COL9A1: variants seen among roughly 807,000 people sequenced by gnomAD.
COL9A1 encodes collagen type IX alpha 1 chain.
In COL9A1, 104 loss-of-function variants were observed where a neutral mutation model predicts 142.6. The ratio of observed to expected loss-of-function variants is 0.73; its 90% CI spans 0.62 to 0.86. The LOEUF (loss-of-function observed/expected upper bound fraction) is 0.86. COL9A1 is among the 40% of genes least tolerant of loss of function. COL9A1 has a pLI of 0.00. For synonymous variants in COL9A1, 466 were observed against 396.0 expected, an observed-to-expected ratio of 1.18 and a Z score of -2.10; for missense variants, 1,210 against 1,176.6, an observed-to-expected ratio of 1.03 and a Z score of -0.42.
In COL9A1 at chr6:70,290,551, G is replaced by A. The variant is rs182302288; in HGVS notation, c.696+3616C>T. On this transcript the variant is annotated intron_variant, in intron 5 of 37. Coordinates refer to ENST00000357250, the MANE Select transcript of COL9A1 (RefSeq NM_001851.6). ...AGCCTATGAAAACCCTTTGAAATTG[G>A]CTTCCTTTTTCAACTTAGAAAAGGA... is the stretch of plus-strand genomic sequence containing the variant. 2.0e-5 allele frequency among the ~76,000 whole-genome samples: 3 copies of A among 152,212 alleles called. No homozygotes were observed. In the East Asian group the frequency reaches 5.8e-4, roughly 29 times the overall value.
At position 70,232,596 on chromosome 6, in the gene COL9A1, C is replaced by T; in HGVS notation, c.2490G>A (p.Leu830=). 6.2e-7 allele frequency: 1 copy of T among 1,613,982 alleles called. No homozygotes were observed. The highest frequency in any genetic ancestry group is 8.5e-7 in the Non-Finnish European group (1 of 1,180,020). Residue 830 remains leucine, a synonymous_variant, in exon 36 of 38, where the codon TTG becomes TTA. Transcript: ENST00000357250. ...AAGATGACTTACCTTTAGGTCCCCT[C>T]AAACCAAGAGCACCAGGGGGCCCCT... ...GIKGPPGALG[L]RGPKGDLGEK... is the part of the protein sequence containing the mutation.
chr6:70,223,709 AC>A (rs1470951075), intron 37 of COL9A1, among the ~76,000 whole-genome samples: 1 of 152,224 alleles, frequency 6.6e-6, no homozygotes, highest in African/African-American at 2.4e-5. Flanking sequence ...CCACCAGCAG[AC>A]CCCTCTTCTC....
At chr6:70,255,925 G>C (rs1261814730) in intron 21 of COL9A1, among the ~76,000 whole-genome samples, 1 of 152,088 alleles carries the variant, frequency 6.6e-6, no homozygotes, top group Non-Finnish European at 1.5e-5. Flanking sequence ...ACCTCAAATG[G>C]CTCCCTATTG....
intron 25 of COL9A1, 59 bp from the exon 26 acceptor site, chr6:70,253,488 C>A: frequency 8.3e-7 from 1 of 1,201,840 alleles, no homozygotes; most frequent in Non-Finnish European, 1.2e-6. Context: ...CCATGAGATG[C>A]CAAGCCCACT....
intron 5 of COL9A1, among the ~76,000 whole-genome samples, chr6:70,290,065 C>T (rs1773599031): frequency 6.6e-6 from 1 of 152,020 alleles, no homozygotes; most frequent in Admixed American, 6.6e-5. Flanking sequence ...AATCACGTTC[C>T]ATGTTGGCTT....
At chr6:70,253,599 T>A (rs1240996477) in intron 25 of COL9A1, among the ~76,000 whole-genome samples, 170 bp from the exon 26 acceptor site, 1 of 152,232 alleles carries the variant, frequency 6.6e-6, no homozygotes, top group African/African-American at 2.4e-5. Context: ...TTTATAGAAT[T>A]ACCCACAGTT....
At chr6:70,283,543 T>C (rs1418627816) in intron 6 of COL9A1, among the ~76,000 whole-genome samples, 194 bp downstream of exon 6, 1 of 152,110 alleles carries the variant, frequency 6.6e-6, no homozygotes, top group African/African-American at 2.4e-5. Flanking sequence ...CTGCAGGTGG[T>C]TTCTACCCGC....
At chr6:70,215,140 C>T (rs1286820962), downstream of COL9A1, 1 of 151,782 alleles carries the variant, frequency 6.6e-6, no homozygotes, top group Non-Finnish European at 1.5e-5. Context: ...TTTTAGGGAG[C>T]TATAACAGAG....
At chr6:70,286,328 T>C (rs1773449722) in intron 5 of COL9A1, among the ~76,000 whole-genome samples, 1 of 152,194 alleles carries the variant, frequency 6.6e-6, no homozygotes, top group South Asian at 2.1e-4. Flanking sequence ...GATTTCTACT[T>C]ATTTTGCCAG....
chr6:70,242,019 G>T lies in COL9A1; in HGVS notation c.1943C>A (p.Pro648His). Reference protein sequence around the residue: ...LPGKLGSLGSPGLPGLPGPPG... With the variant: ...LPGKLGSLGSHGLPGLPGPPG... ...GGGCCCAGGCAAGCCAGGGAGGCCA[G>T]GGCTACCCAGAGAACCCTGGAAAGC... is the stretch of plus-strand genomic sequence containing the variant. Residue 648 changes from proline (P) to histidine (H), a missense_variant, in exon 30 of 38, where the codon CCT becomes CAT. Transcript: ENST00000357250. The T allele has an allele frequency of 6.3e-7, 1 of 1,596,830 alleles. No individual in the cohort carries two copies. The highest frequency in any genetic ancestry group is 2.3e-5 in the East Asian group (1 of 44,174).
Position 70,255,341 on chromosome 6 carries a change from T to C in COL9A1, c.1553A>G (p.Asp518Gly). ...AGTGACTGAATTTAAACTCACTCTA[T>C]CTCCTTTGGGACCTGCTTCTCCTGG... ...GPPGEAGPKG[D>G]RGAEGARGIP... is the part of the protein sequence containing the mutation. The change falls in exon 22 of 38, where the codon GAT becomes GGT. Residue 518 changes from aspartate (D) to glycine (G), a missense_variant. Physicochemically the swap from Asp to Gly is moderately conservative, Grantham distance 94. Transcript: ENST00000357250. The C allele has an allele frequency of 1.2e-6, 2 of 1,614,174 alleles. No homozygotes were observed. The highest frequency in any genetic ancestry group is 1.7e-6 in the Non-Finnish European group (2 of 1,179,980).
intron 26 of COL9A1, among the ~76,000 whole-genome samples, chr6:70,252,978 G>A (rs1413103691): frequency 6.6e-6 from 1 of 151,198 alleles, no homozygotes; most frequent in African/African-American, 2.4e-5. Flanking sequence ...TTACATTTTT[G>A]TTTTATGTAG....
intron 20 of COL9A1, among the ~76,000 whole-genome samples, chr6:70,259,977 T>C (rs1771569718): frequency 6.6e-6 from 1 of 151,986 alleles, no homozygotes; most frequent in Admixed American, 6.6e-5. Flanking sequence ...TTTGGGGATG[T>C]CCTGCCTTGG....
intron 26 of COL9A1, chr6:70,253,184 T>A (rs1186441733): frequency 2.1e-6 from 1 of 487,704 alleles, no homozygotes; most frequent in Non-Finnish European, 3.8e-6. Flanking sequence ...GGAAATCTAA[T>A]TAGCAGCATT....
In COL9A1 at chr6:70,294,119, C is replaced by G. The variant is rs917691762; in HGVS notation, c.696+48G>C. 12 of 1,608,068 alleles carry G rather than the reference C, an allele frequency of 7.5e-6. No individual in the cohort carries two copies. In the Admixed American group the frequency reaches 1.3e-4, roughly 18 times the overall value. The stretch of plus-strand genomic sequence containing the variant: ...AGATGCTTGAGATGTTCATTTTTAC[C>G]AATCTAGTTTTGCTTTAATCTGCCA... On this transcript the variant is annotated intron_variant, in intron 5 of 37. Transcript: ENST00000357250.
intron 21 of COL9A1, 63 bp from the exon 22 acceptor site, chr6:70,255,453 T>C (rs1583270501): frequency 7.0e-7 from 1 of 1,424,692 alleles, no homozygotes; most frequent in East Asian, 2.3e-5. Flanking sequence ...CTTTTAAAAA[T>C]TAGAAAGTAT....
Position 70,281,414 on chromosome 6 carries a change from T to C in COL9A1, c.852A>G (p.Gly284=). The C allele has an allele frequency of 1.9e-6, 3 of 1,613,362 alleles. No homozygotes were observed. The highest frequency in any genetic ancestry group is 1.7e-4 in the Middle Eastern group (1 of 6,056). ...CGTCGATGCCATCGATGCCTGGAACTCCAGGGGGGCCCGGAGGCCCGGGAG... is the reference window on the plus strand; with the variant it reads ...CGTCGATGCCATCGATGCCTGGAACCCCAGGGGGGCCCGGAGGCCCGGGAG... The part of the protein sequence containing the change: ...QGPPGPPGPP[G]VPGIDGIDGD... The change falls in exon 8 of 38, where the codon GGA becomes GGG. Residue 284 remains glycine, a synonymous_variant. Coordinates refer to ENST00000357250, the MANE Select transcript of COL9A1 (RefSeq NM_001851.6).
rs115555867 is a variant in COL9A1, at chr6:70,280,614, T to C, written c.975+198A>G. ...AATGCCAACGCCTCCTAGAGAGAGGTATCCTCACCTTCACAAGTCCTTTTG... is the reference window on the plus strand; with the variant it reads ...AATGCCAACGCCTCCTAGAGAGAGGCATCCTCACCTTCACAAGTCCTTTTG... On this transcript the variant is annotated intron_variant, in intron 10 of 37. Coordinates refer to ENST00000357250, the MANE Select transcript of COL9A1 (RefSeq NM_001851.6). 792 of 1,280,936 alleles carry C rather than the reference T, an allele frequency of 6.2e-4. 4 individuals carry two copies. In the African/African-American group the frequency reaches 0.011, roughly 17 times the overall value. 79.3% of individuals were successfully genotyped at this position (1,280,936 alleles called of 1,614,324 possible).
In COL9A1 at chr6:70,256,820, C is replaced by A. The variant is rs1771329081; in HGVS notation, c.1451G>T (p.Gly484Val). The A allele has an allele frequency of 6.2e-7, 1 of 1,613,260 alleles. No homozygotes were observed. The highest frequency in any genetic ancestry group is 8.5e-7 in the Non-Finnish European group (1 of 1,179,826). The change falls in exon 21 of 38, where the codon GGT becomes GTT. Residue 484 changes from glycine (G) to valine (V), a missense_variant and splice_region_variant. Transcript: ENST00000357250. ...AGGTTCACCATCTAAGCCCCGAGCA[C>A]CCTGCAAAAAAACAAGACAATGGAA... ...TGIVGDKGEK[G>V]ARGLDGEPGP...
Sources: allele counts gnomAD v4.1 joint callset (sites outside exome capture counted in the v4.1 genomes callset), GRCh38; gene constraint gnomAD v4.1.1; transcripts MANE v1.5; gene names NCBI Gene and HGNC (gene_info 2026-07-23, HGNC 2026-07-21).